The following ZNF793 variants were observed in gnomAD, a reference collection of about 807,000 sequenced individuals.
ZNF793 encodes zinc finger protein 793.
A neutral mutation model predicts 12.4 loss-of-function variants in ZNF793; 5 were observed. The observed-to-expected ratio is 0.40, with a 90% CI of 0.21 to 0.84. ZNF793 has a LOEUF of 0.84. Among genes scored for constraint, ZNF793 ranks in the 40% least tolerant of loss-of-function variants. The pLI is 0.35. For missense variants in ZNF793, 456 were observed against 495.0 expected (o/e 0.92, Z 0.75); for synonymous variants, 162 against 172.4 (o/e 0.94, Z 0.47).
At chr19:37,524,692 C>T (rs1441069061) in intron 5 of ZNF793, among the ~76,000 whole-genome samples, 1 of 152,214 alleles carries the variant, frequency 6.6e-6, no homozygotes, top group African/African-American at 2.4e-5. Context: ...ACAGTGTGGT[C>T]CCGGGACCTG....
chr19:37,529,796 A>G (rs2042443384), intron 5 of ZNF793, among the ~76,000 whole-genome samples: 1 of 152,028 alleles, frequency 6.6e-6, no homozygotes, highest in Non-Finnish European at 1.5e-5. Flanking sequence ...CCTGGCCTGG[A>G]GTGTTCAGTT....
In ZNF793 at chr19:37,542,396, A is replaced by G. The variant is rs1173003034; in HGVS notation, c.*4517A>G. On this transcript the variant is annotated 3_prime_UTR_variant, in exon 8 of 8. Transcript: ENST00000627814. The stretch of plus-strand genomic sequence containing the variant: ...CAACAGAGCAAAAAGATTCCATCTC[A>G]AAAGAAAAGAAAAGAAATCTGTTAA... 2 of 361,300 alleles carry G rather than the reference A, an allele frequency of 5.5e-6. No individual in the cohort carries two copies. Among genetic ancestry groups the G allele is most frequent in the African/African-American group, 4.3e-5 (2 of 46,888 alleles). The allele number at this position is 361,300 out of a possible 1,614,324, so 22.4% of individuals were successfully genotyped here.
At chr19:37,534,015 C>T (rs1405998672) in intron 7 of ZNF793, 1 of 153,988 alleles carries the variant, frequency 6.5e-6, no homozygotes, top group Non-Finnish European at 1.4e-5. Flanking sequence ...TTCTGGCGCT[C>T]TCTGGAGTGT....
At chr19:37,511,535 G>T (rs1431686884) in intron 2 of ZNF793, among the ~76,000 whole-genome samples, 1 of 152,158 alleles carries the variant, frequency 6.6e-6, no homozygotes, top group Non-Finnish European at 1.5e-5. Flanking sequence ...GATGGGCATG[G>T]TGACAAGCAC....
chr19:37,530,095 ATAAT>A (rs2042446360), intron 5 of ZNF793, among the ~76,000 whole-genome samples: 1 of 152,076 alleles, frequency 6.6e-6, no homozygotes, highest in Non-Finnish European at 1.5e-5. Flanking sequence ...GACAAGGTAA[ATAAT>A]TAAGTGCTGT....
rs981894711 is a variant in ZNF793, at chr19:37,540,884, T to G, written c.*3005T>G. On this transcript the variant is annotated 3_prime_UTR_variant, in exon 8 of 8. Coordinates refer to ENST00000627814, the MANE Select transcript of ZNF793 (RefSeq NM_001013659.3). The stretch of plus-strand genomic sequence containing the variant: ...AATCTCAATGATTTTTTGACAATCA[T>G]TGAAAAAAATATATGAAAAAAATCA... 3 of 151,908 alleles carry G rather than the reference T, an allele frequency of 2.0e-5. No individual in the cohort carries two copies. The highest frequency in any genetic ancestry group is 2.9e-5 in the Non-Finnish European group (2 of 67,970). The allele number at this position is 151,908 out of a possible 1,614,324, so 9.4% of individuals were successfully genotyped here.
In ZNF793 at chr19:37,542,904, G is replaced by C. The variant is rs549146480; in HGVS notation, c.*5025G>C. ...GACTTGGAGGGAGGTGGGTAATGCA[G>C]GTAGGTTATGGGGGAGTCAGGGGTG... On this transcript the variant is annotated 3_prime_UTR_variant, in exon 8 of 8. Coordinates refer to ENST00000627814, the MANE Select transcript of ZNF793 (RefSeq NM_001013659.3). The C allele has an allele frequency of 6.6e-6, 1 of 152,406 alleles. No individual in the cohort carries two copies. Among genetic ancestry groups the C allele is most frequent in the South Asian group, 2.1e-4 (1 of 4,832 alleles). The allele number at this position is 152,406 out of a possible 1,614,324, so 9.4% of individuals were successfully genotyped here.
At chr19:37,536,359 C>G in intron 7 of ZNF793, 1 of 398,556 alleles carries the variant, frequency 2.5e-6, no homozygotes, top group East Asian at 3.6e-5. Flanking sequence ...GCCTTAGATT[C>G]TGCACATCTA....
At chr19:37,521,808 G>A (rs2042378493) in intron 3 of ZNF793, among the ~76,000 whole-genome samples, 1 of 151,828 alleles carries the variant, frequency 6.6e-6, no homozygotes, top group African/African-American at 2.4e-5. Context: ...ATATTTCTGT[G>A]GTCTCCTATG....
chr19:37,509,658 T>C (rs1261160756), intron 2 of ZNF793, among the ~76,000 whole-genome samples: 1 of 152,248 alleles, frequency 6.6e-6, no homozygotes, highest in Non-Finnish European at 1.5e-5. Flanking sequence ...TTTTTCTCCA[T>C]GTTGATTCCC....
intron 1 of ZNF793, among the ~76,000 whole-genome samples, chr19:37,507,928 T>C (rs546423964): frequency 6.6e-6 from 1 of 152,306 alleles, no homozygotes; most frequent in African/African-American, 2.4e-5. Flanking sequence ...GCACTATGCG[T>C]GTCTGATTAG....
At chr19:37,515,377 A>G (rs1482821923) in intron 2 of ZNF793, among the ~76,000 whole-genome samples, 1 of 150,234 alleles carries the variant, frequency 6.7e-6, no homozygotes, top group African/African-American at 2.5e-5. Flanking sequence ...GCGCAATCTC[A>G]GCTCACTGCA....
chr19:37,533,573 G>A (rs142330435), intron 7 of ZNF793, 170 bp downstream of exon 7: 14 of 602,264 alleles, frequency 2.3e-5, no homozygotes, highest in Middle Eastern at 3.5e-4. Flanking sequence ...TGTTTTTCTC[G>A]GCTCTACTTG....
At chr19:37,520,624 G>A (rs899072626) in intron 3 of ZNF793, among the ~76,000 whole-genome samples, 3 of 152,318 alleles carry the variant, frequency 2.0e-5, no homozygotes, top group East Asian at 3.9e-4. Flanking sequence ...GTCTCATGGC[G>A]GGTGCGATAG....
At chr19:37,533,447 G>T in intron 7 of ZNF793, 44 bp downstream of exon 7, 1 of 1,557,682 alleles carries the variant, frequency 6.4e-7, no homozygotes. Context: ...AAGGAGGCTG[G>T]CACCTTTGGA....
chr19:37,515,871 G>A (rs1249677050), intron 2 of ZNF793, among the ~76,000 whole-genome samples: 1 of 152,064 alleles, frequency 6.6e-6, no homozygotes, highest in East Asian at 1.9e-4. Flanking sequence ...GCAATGTTAA[G>A]CAAAATCTTA....
Position 37,533,369 on chromosome 19 carries a change from T to G in ZNF793, c.204T>G (p.Ile68Met), listed in dbSNP as rs12977460. 0.074 allele frequency: 120,015 copies of G among 1,613,816 alleles called. 5,214 individuals carry two copies. Among genetic ancestry groups the G allele is most frequent in the Non-Finnish European group, 0.086 (100,917 of 1,179,762 alleles). Residue 68 changes from isoleucine (I) to methionine (M), a missense_variant, in exon 7 of 8, where the codon ATT (isoleucine) becomes ATG (methionine). By Grantham distance (10) the Ile-to-Met change is conservative. Transcript: ENST00000627814. Reference sequence around the variant, plus strand: ...TGGAGCAGGAAGAAGCACCATGGATTGGTGAGGCAGCATGCCCGGGCTGCC... The same window carrying G: ...TGGAGCAGGAAGAAGCACCATGGATGGGTGAGGCAGCATGCCCGGGCTGCC... ...LRLEQEEAPW[I>M]GEAACPGCHC... is the part of the protein sequence containing the mutation.
chr19:37,524,358 A>G lies in ZNF793; in HGVS notation c.15+904A>G, dbSNP rs79938302. 6.2e-3 allele frequency among the ~76,000 whole-genome samples: 950 copies of G among 152,112 alleles called. 26 individuals carry two copies. Among genetic ancestry groups the G allele is most frequent in the East Asian group, 0.051 (264 of 5,170 alleles). On this transcript the variant is annotated intron_variant, in intron 5 of 7. Transcript: ENST00000627814. ...TTTTAAACCAGATATGTAATGCTTC[A>G]TCGTATGCAAGGGAATATGACTGAT...
chr19:37,523,498 C>T (rs1326169270), intron 5 of ZNF793, 44 bp downstream of exon 5: 4 of 1,598,260 alleles, frequency 2.5e-6, no homozygotes, highest in South Asian at 1.1e-5. Context: ...CCTGGGGAAA[C>T]TGTCCTAGAG....
Sources: allele counts gnomAD v4.1 joint callset (sites outside exome capture counted in the v4.1 genomes callset), GRCh38; gene constraint gnomAD v4.1.1; transcripts MANE v1.5; gene names NCBI Gene and HGNC (gene_info 2026-07-23, HGNC 2026-07-21).